The following KCNH7 variants were observed in gnomAD, a reference collection of about 807,000 sequenced individuals.
KCNH7 encodes voltage-gated inwardly rectifying potassium channel KCNH7.
In KCNH7, 49 loss-of-function variants were observed where a neutral mutation model predicts 120.8. The ratio of observed to expected loss-of-function variants is 0.41; its 90% confidence interval spans 0.32 to 0.51. KCNH7 has a LOEUF of 0.51. KCNH7 is among the 20% of genes least tolerant of loss of function. KCNH7 has a pLI of 0.38. For missense variants in KCNH7, 1,097 were observed against 1,446.6 expected (o/e 0.76, Z 3.92); for synonymous variants, 547 against 516.1 (o/e 1.06, Z -0.81).
intron 2 of KCNH7, among the ~76,000 whole-genome samples, chr2:162,671,191 A>T (rs1417343148): frequency 1.3e-5 from 2 of 152,164 alleles, no homozygotes; most frequent in Non-Finnish European, 2.9e-5. Context: ...AAAGAGAACC[A>T]TCATTTCTAC....
chr2:162,665,197 T>A (rs1290062113), intron 2 of KCNH7, among the ~76,000 whole-genome samples: 1 of 152,186 alleles, frequency 6.6e-6, no homozygotes, highest in African/African-American at 2.4e-5. Context: ...CACAGATGAT[T>A]TAAAATAATC....
intron 6 of KCNH7, among the ~76,000 whole-genome samples, chr2:162,469,746 T>A (rs1689434001): frequency 2.0e-5 from 3 of 146,978 alleles, no homozygotes; most frequent in Admixed American, 2.0e-4. Flanking sequence ...ATGGTCTCCC[T>A]CTGATGCCGA....
chr2:162,813,453 A>T (rs1052402398), intron 2 of KCNH7, among the ~76,000 whole-genome samples: 6 of 152,176 alleles, frequency 3.9e-5, no homozygotes, highest in Non-Finnish European at 2.9e-5. Context: ...ATCAGGGGTG[A>T]TTGGTGAGGC....
In KCNH7 at chr2:162,703,906, A is replaced by G. The variant is rs1686603227; in HGVS notation, c.307+132631T>C. Among the ~76,000 whole-genome samples, 4 of 152,190 alleles carry G rather than the reference A, an allele frequency of 2.6e-5. 1 individual carries two copies. The South Asian group carries it at 8.3e-4, about 31-fold the overall frequency. ...AAACAGAAGATGCTTTGATCAAGCA[A>G]TCCACCTGCCAACTGTTCAAAAATT... is the stretch of plus-strand genomic sequence containing the variant. On this transcript the variant is annotated intron_variant, in intron 2 of 15. Transcript: ENST00000332142.
intron 2 of KCNH7, among the ~76,000 whole-genome samples, chr2:162,607,616 T>C (rs1215914638): frequency 6.6e-6 from 1 of 152,188 alleles, no homozygotes; most frequent in Non-Finnish European, 1.5e-5. Context: ...AAATTGTGAA[T>C]TATTACCTAG....
At chr2:162,738,105 A>C (rs1231947345) in intron 2 of KCNH7, among the ~76,000 whole-genome samples, 2 of 151,872 alleles carry the variant, frequency 1.3e-5, no homozygotes, top group South Asian at 4.1e-4. Context: ...GTGAAAAAAG[A>C]ACAGCTCTAC....
chr2:162,671,590 T>C (rs1685360136), intron 2 of KCNH7, among the ~76,000 whole-genome samples: 1 of 152,058 alleles, frequency 6.6e-6, no homozygotes, highest in African/African-American at 2.4e-5. Flanking sequence ...AGGGATGACA[T>C]ACTACCTACC....
At chr2:162,719,925 T>A (rs1404152312) in intron 2 of KCNH7, among the ~76,000 whole-genome samples, 1 of 152,082 alleles carries the variant, frequency 6.6e-6, no homozygotes, top group Non-Finnish European at 1.5e-5. Flanking sequence ...TTATGTTTAA[T>A]CATATTTAAA....
intron 2 of KCNH7, among the ~76,000 whole-genome samples, chr2:162,825,361 A>G (rs1418652245): frequency 3.3e-5 from 5 of 152,060 alleles, no homozygotes; most frequent in Non-Finnish European, 5.9e-5. Flanking sequence ...TACAAAATTC[A>G]ACAAATTTCA....
At chr2:162,668,159 G>A (rs571075903) in intron 2 of KCNH7, among the ~76,000 whole-genome samples, 2 of 152,090 alleles carry the variant, frequency 1.3e-5, no homozygotes, top group African/African-American at 4.8e-5. Flanking sequence ...ATACCAGGAA[G>A]CCAAAATAAG....
chr2:162,432,338 G>C lies in KCNH7; in HGVS notation c.1954+2860C>G, dbSNP rs930500486. Among the ~76,000 whole-genome samples the C allele has an allele frequency of 9.2e-5, 14 of 151,928 alleles. 1 individual carries two copies. The highest frequency in any genetic ancestry group is 3.1e-4 in the African/African-American group (13 of 41,406). ...TGCAGCCTAGACTTGGACTGAATTT[G>C]TAGAATGTCTTAATAGTTATTGAAA... is the stretch of plus-strand genomic sequence containing the variant. On this transcript the variant is annotated intron_variant, in intron 8 of 15. Transcript: ENST00000332142.
intron 9 of KCNH7, among the ~76,000 whole-genome samples, chr2:162,404,155 C>T (rs138543388): frequency 2.0e-3 from 302 of 151,980 alleles, no homozygotes; most frequent in African/African-American, 6.7e-3. Context: ...TATGTCAGGA[C>T]GCATGCTGAT....
rs559069357 is a variant in KCNH7, at chr2:162,415,204, C to A, written c.2154+8132G>T. Among the ~76,000 whole-genome samples the A allele has an allele frequency of 9.9e-5, 15 of 151,938 alleles. No individual in the cohort carries two copies. The South Asian group carries it at 2.5e-3, about 25-fold the overall frequency. ...AAAACAAAACCAAAAAACCTTTGAG[C>A]CTCTCCTTTGTTCTCTGGAGCATTT... On this transcript the variant is annotated intron_variant, in intron 9 of 15. Coordinates refer to ENST00000332142, the MANE Select transcript of KCNH7 (RefSeq NM_033272.4).
intron 2 of KCNH7, among the ~76,000 whole-genome samples, chr2:162,684,713 G>A (rs796233799): frequency 1.2e-4 from 19 of 152,254 alleles, no homozygotes; most frequent in African/African-American, 4.1e-4. Flanking sequence ...TGCTGGAGAG[G>A]ATGTTGAGAA....
At chr2:162,376,418 T>C (rs977617955) in intron 14 of KCNH7, among the ~76,000 whole-genome samples, 1 of 150,112 alleles carries the variant, frequency 6.7e-6, no homozygotes, top group Non-Finnish European at 1.5e-5. Context: ...CAGGCTGGAG[T>C]GCAGTAGCAT....
intron 2 of KCNH7, among the ~76,000 whole-genome samples, chr2:162,741,848 T>C (rs538642809): frequency 9.2e-5 from 14 of 152,346 alleles, no homozygotes; most frequent in Non-Finnish European, 1.5e-4. Flanking sequence ...ACTTTTTAAA[T>C]GTTAAAATGT....
At chr2:162,471,922 G>A (rs1689551309) in intron 6 of KCNH7, among the ~76,000 whole-genome samples, 1 of 152,140 alleles carries the variant, frequency 6.6e-6, no homozygotes, top group South Asian at 2.1e-4. Flanking sequence ...AGAGCCCTCA[G>A]AAATAATACC....
chr2:162,518,468 A>T lies in KCNH7; in HGVS notation c.464-310T>A, dbSNP rs116127124. Among the ~76,000 whole-genome samples, 491 of 151,946 alleles carry T rather than the reference A, an allele frequency of 3.2e-3. 6 individuals are homozygous for T. The highest frequency in any genetic ancestry group is 0.012 in the African/African-American group (480 of 41,524). On this transcript the variant is annotated intron_variant, in intron 3 of 15. Transcript: ENST00000332142. Reference sequence around the variant, plus strand: ...AAAAACATTCATCCACTATACATCCACTTTTCTAGGGAAATTGAAGGATGA... The same window carrying T: ...AAAAACATTCATCCACTATACATCCTCTTTTCTAGGGAAATTGAAGGATGA...
rs551514335 is a variant in KCNH7, at chr2:162,662,956, C to T, written c.308-125876G>A. On this transcript the variant is annotated intron_variant, in intron 2 of 15. Coordinates refer to ENST00000332142, the MANE Select transcript of KCNH7 (RefSeq NM_033272.4). ...TTGGGTTCTTCTTACTCCTCTGATG[C>T]CTTTCCAGCTATATAAGCCAATTAT... Among the ~76,000 whole-genome samples, 6 of 152,280 alleles carry T rather than the reference C, an allele frequency of 3.9e-5. No homozygotes were observed. In the East Asian group the frequency reaches 9.6e-4, roughly 24 times the overall value.
Sources: gnomAD v4.1 joint callset for allele counts (sites outside exome capture counted in the v4.1 genomes callset) on GRCh38, gnomAD v4.1.1 for gene constraint, MANE v1.5 for transcripts, NCBI Gene and HGNC (gene_info 2026-07-23, HGNC 2026-07-21) for gene names.